GARNL3: variants seen among roughly 807,000 people sequenced by gnomAD.
GARNL3 encodes GTPase-activating Rap/Ran-GAP domain-like protein 3.
A neutral mutation model predicts 125.0 loss-of-function variants in GARNL3; 63 were observed. That is an observed-to-expected ratio of 0.50 (90% CI 0.41 to 0.62). GARNL3 has a LOEUF of 0.62. GARNL3 is among the 20% of genes least tolerant of loss of function. The pLI, the probability that GARNL3 is intolerant of heterozygous loss-of-function variation, is 0.00. For missense variants in GARNL3, 994 were observed against 1,244.0 expected (o/e 0.80, Z 3.02); for synonymous variants, 439 against 457.5 (o/e 0.96, Z 0.52).
chr9:127,233,969 T>C (rs1436734807), intron 1 of GARNL3, among the ~76,000 whole-genome samples: 1 of 152,260 alleles, frequency 6.6e-6, no homozygotes, highest in Non-Finnish European at 1.5e-5. Flanking sequence ...TGAGCTTTTT[T>C]CACAGTCTTC....
intron 2 of GARNL3, among the ~76,000 whole-genome samples, chr9:127,293,761 T>C (rs552578526): frequency 8.5e-4 from 129 of 152,314 alleles, no homozygotes; most frequent in Non-Finnish European, 1.6e-3. Context: ...GTGCTACTTA[T>C]TGTTCCTGAA....
rs138295961 is a variant in GARNL3, at chr9:127,368,078, T to C, written c.2161+2712T>C. On this transcript the variant is annotated intron_variant, in intron 22 of 27. Coordinates refer to ENST00000373387, the MANE Select transcript of GARNL3 (RefSeq NM_032293.5). ...TTGCCTAGGCTGGAGTATGGTGGTGTGATCTCAGCTCACTGCAACCTCTGC... is the reference window on the plus strand; with the variant it reads ...TTGCCTAGGCTGGAGTATGGTGGTGCGATCTCAGCTCACTGCAACCTCTGC... 2.7e-3 allele frequency among the ~76,000 whole-genome samples: 392 copies of C among 144,774 alleles called. 5 individuals are homozygous for C. The East Asian group carries it at 0.052, about 19-fold the overall frequency. 95.0% of individuals were successfully genotyped at this position (144,774 alleles called of 152,430 possible). A position where few individuals can be genotyped will look rare whatever the true frequency, so the allele number is the denominator to read the frequency against.
At chr9:127,231,332 A>G (rs1187907695) in intron 1 of GARNL3, among the ~76,000 whole-genome samples, 1 of 143,998 alleles carries the variant, frequency 6.9e-6, no homozygotes, top group Non-Finnish European at 1.5e-5. Context: ...TCGGCCTCCC[A>G]ACGTGCTGGG....
At chr9:127,368,608 G>A (rs902313949) in intron 22 of GARNL3, among the ~76,000 whole-genome samples, 1 of 150,726 alleles carries the variant, frequency 6.6e-6, no homozygotes, top group Non-Finnish European at 1.5e-5. Context: ...TGGGATTACA[G>A]GCGTGAACCA....
chr9:127,311,664 G>A lies in GARNL3; in HGVS notation c.248G>A (p.Arg83Gln). The change falls in exon 3 of 28, where the codon CGA (arginine) becomes CAA (glutamine). Residue 83 changes from arginine (R) to glutamine (Q), a missense_variant. Around this residue, in one of 5 missense-constraint regions of GARNL3, gnomAD observed 139 missense variants for 231.6 expected, o/e 0.60. Transcript: ENST00000373387. ...ENATALPGTW[R>Q]RTDVHLENPE... ...GCAACTGCCCTGCCTGGTACTTGGC[G>A]AAGAACAGACGTGCACTTAGAGAAC... 1.9e-6 allele frequency: 3 copies of A among 1,613,940 alleles called. No individual in the cohort carries two copies. Among genetic ancestry groups the A allele is most frequent in the African/African-American group, 1.3e-5 (1 of 75,046 alleles).
At chr9:127,234,398 T>G (rs1462451920) in intron 1 of GARNL3, among the ~76,000 whole-genome samples, 1 of 152,208 alleles carries the variant, frequency 6.6e-6, no homozygotes, top group Non-Finnish European at 1.5e-5. Flanking sequence ...ATAAAAGATT[T>G]GTCCTTTACA....
In GARNL3 at chr9:127,363,050, G is replaced by A. The variant is rs117956325; in HGVS notation, c.2095-2250G>A. 2.8e-3 allele frequency: 424 copies of A among 152,418 alleles called. 5 individuals carry two copies. In the East Asian group the frequency reaches 0.051, roughly 19 times the overall value. The allele number at this position is 152,418 out of a possible 1,614,324, so 9.4% of individuals were successfully genotyped here. ...CCCGCCAGGCCCTGATCTGGATGAT[G>A]AGGGGCCAGCAGTGAGCAGCACAGA... is the stretch of plus-strand genomic sequence containing the variant. On this transcript the variant is annotated intron_variant, in intron 21 of 27. Coordinates refer to ENST00000373387, the MANE Select transcript of GARNL3 (RefSeq NM_032293.5).
chr9:127,275,282 T>C (rs1399689215), intron 1 of GARNL3, among the ~76,000 whole-genome samples: 1 of 152,206 alleles, frequency 6.6e-6, no homozygotes, highest in East Asian at 1.9e-4. Context: ...CTGTTAAAGA[T>C]GAAGAGGAAT....
intron 18 of GARNL3, 33 bp from the exon 19 acceptor site, chr9:127,354,261 T>C (rs779805653): frequency 6.5e-7 from 1 of 1,542,814 alleles, no homozygotes; most frequent in South Asian, 1.1e-5. Context: ...CTTTTCCATT[T>C]AATCTCCTCC....
intron 27 of GARNL3, 83 bp downstream of exon 27, chr9:127,390,850 T>C: frequency 1.4e-6 from 2 of 1,398,294 alleles, no homozygotes; most frequent in Non-Finnish European, 9.8e-7. Context: ...TGGGGATTGA[T>C]AATGCCACTA....
intron 2 of GARNL3, among the ~76,000 whole-genome samples, chr9:127,294,844 G>A (rs1186960089): frequency 1.3e-5 from 2 of 152,186 alleles, no homozygotes; most frequent in Non-Finnish European, 2.9e-5. Flanking sequence ...TGCTCCTAGG[G>A]GCCTGCAGAT....
At chr9:127,346,175 A>C (rs1830128400) in intron 16 of GARNL3, among the ~76,000 whole-genome samples, 1 of 152,222 alleles carries the variant, frequency 6.6e-6, no homozygotes, top group African/African-American at 2.4e-5. Context: ...ACAAAAATAC[A>C]CAAATTATAT....
intron 22 of GARNL3, among the ~76,000 whole-genome samples, chr9:127,381,141 G>T (rs1019590394): frequency 6.6e-6 from 1 of 151,534 alleles, no homozygotes; most frequent in Non-Finnish European, 1.5e-5. Context: ...CTTCCCAAAA[G>T]TGCTGGGATT....
At chr9:127,351,658 T>C (rs1422695818) in intron 17 of GARNL3, among the ~76,000 whole-genome samples, 2 of 152,230 alleles carry the variant, frequency 1.3e-5, no homozygotes, top group African/African-American at 4.8e-5. Context: ...CCCATTAGCC[T>C]TTGCTTAATT....
chr9:127,376,439 C>T (rs1275105916), intron 22 of GARNL3, among the ~76,000 whole-genome samples: 2 of 151,830 alleles, frequency 1.3e-5, no homozygotes, highest in Non-Finnish European at 2.9e-5. Flanking sequence ...AGGATGGTCT[C>T]GATCTCCTGA....
intron 19 of GARNL3, among the ~76,000 whole-genome samples, chr9:127,354,849 G>A (rs1230887595): frequency 6.6e-6 from 1 of 152,132 alleles, no homozygotes; most frequent in African/African-American, 2.4e-5. Context: ...CTGGAGTGCA[G>A]TGGCACAATC....
chr9:127,263,776 A>T (rs563398682), upstream of GARNL3: 16 of 1,232,736 alleles, frequency 1.3e-5, no homozygotes, highest in African/African-American at 1.5e-5. Context: ...TAAATTTCTC[A>T]TATAAGATTA....
At chr9:127,357,905 G>T (rs1381566013) in intron 21 of GARNL3, among the ~76,000 whole-genome samples, 1 of 152,176 alleles carries the variant, frequency 6.6e-6, no homozygotes, top group Non-Finnish European at 1.5e-5. Context: ...CTGAGGCACT[G>T]CAGACTCTCA....
At position 127,386,546 on chromosome 9, in the gene GARNL3, T is replaced by G. The variant is rs182984596; in HGVS notation, c.2389-647T>G. On this transcript the variant is annotated intron_variant, in intron 24 of 27. Transcript: ENST00000373387. The stretch of plus-strand genomic sequence containing the variant: ...TCCCCCAAGCCCCACACAGACACTG[T>G]TGGTGTCAATAACTCCAGAGCAGAT... 2.7e-3 allele frequency among the ~76,000 whole-genome samples: 416 copies of G among 152,364 alleles called. 4 individuals are homozygous for G. The highest frequency in any genetic ancestry group is 9.6e-3 in the African/African-American group (401 of 41,586).
Sources: gnomAD v4.1 joint callset for allele counts (sites outside exome capture counted in the v4.1 genomes callset) on GRCh38, gnomAD v4.1.1 for gene constraint, gnomAD v4.1.1 regional missense constraint, MANE v1.5 for transcripts, NCBI Gene and HGNC (gene_info 2026-07-23, HGNC 2026-07-21) for gene names.